Variants in RERE observed in about 807,000 individuals in gnomAD.
RERE encodes arginine-glutamic acid dipeptide repeats protein.
A neutral mutation model predicts 146.1 loss-of-function variants in RERE; 40 were observed. The ratio of observed to expected loss-of-function variants is 0.27; its 90% confidence interval spans 0.21 to 0.36. RERE has a LOEUF of 0.36. Among genes scored for constraint, RERE ranks in the 10% least tolerant of loss-of-function variants. RERE has a pLI of 1.00. For missense variants in RERE, 1,933 were observed against 2,138.7 expected (o/e 0.90, Z 1.90); for synonymous variants, 1,003 against 866.0 (o/e 1.16, Z -2.78).
intron 1 of RERE, among the ~76,000 whole-genome samples, chr1:8,757,287 C>T (rs1640662414): frequency 6.6e-6 from 1 of 152,100 alleles, no homozygotes; most frequent in African/African-American, 2.4e-5. Flanking sequence ...CCTGTATGAA[C>T]TTTCCCTAGC....
intron 1 of RERE, among the ~76,000 whole-genome samples, chr1:8,780,856 C>T (rs560134840): frequency 6.6e-6 from 1 of 152,328 alleles, no homozygotes; most frequent in Admixed American, 6.5e-5. Flanking sequence ...CCAAGCACCA[C>T]TTGCCCTTCA....
At chr1:8,636,507 G>A (rs893799812) in intron 2 of RERE, among the ~76,000 whole-genome samples, 2 of 151,652 alleles carry the variant, frequency 1.3e-5, no homozygotes, top group African/African-American at 4.8e-5. Context: ...ACTCCAGCCT[G>A]GGCAACAGTG....
chr1:8,495,306 G>A, intron 9 of RERE, 144 bp from the exon 10 acceptor site: 1 of 525,346 alleles, frequency 1.9e-6, no homozygotes, highest in Non-Finnish European at 3.4e-6. Context: ...CTCTGCCTCT[G>A]CTCCTATTTT....
chr1:8,731,142 G>A (rs756725131), intron 1 of RERE, among the ~76,000 whole-genome samples: 3 of 152,144 alleles, frequency 2.0e-5, no homozygotes, highest in Non-Finnish European at 4.4e-5. Flanking sequence ...ATACCTGAAC[G>A]GTAATTTTGA....
chr1:8,773,234 G>A (rs116548797), intron 1 of RERE, among the ~76,000 whole-genome samples: 87 of 152,232 alleles, frequency 5.7e-4, no homozygotes, highest in Non-Finnish European at 1.2e-3. Context: ...ACTATTATTT[G>A]TCATCTTAAC....
At chr1:8,646,260 G>A (rs1034188536) in intron 2 of RERE, among the ~76,000 whole-genome samples, 6 of 152,180 alleles carry the variant, frequency 3.9e-5, no homozygotes, top group African/African-American at 1.4e-4. Flanking sequence ...GCCAGGCACA[G>A]TGGCTCATGC....
intron 4 of RERE, among the ~76,000 whole-genome samples, chr1:8,608,765 A>G (rs1229102994): frequency 1.3e-5 from 2 of 152,248 alleles, no homozygotes; most frequent in African/African-American, 4.8e-5. Flanking sequence ...TGGAAAAAAG[A>G]TGATGAATAT....
At chr1:8,388,413 G>A (rs866044759) in intron 12 of RERE, among the ~76,000 whole-genome samples, 6 of 151,664 alleles carry the variant, frequency 4.0e-5, no homozygotes, top group Admixed American at 6.6e-5. Flanking sequence ...TCCGCTTCCC[G>A]GGTTCACGCC....
intron 2 of RERE, among the ~76,000 whole-genome samples, chr1:8,635,580 C>T (rs1647088186): frequency 1.3e-5 from 2 of 152,166 alleles, no homozygotes; most frequent in South Asian, 4.1e-4. Context: ...CTTTAGCATG[C>T]TCCTTTTGTA....
At chr1:8,461,267 C>T (rs1336186330) in intron 11 of RERE, among the ~76,000 whole-genome samples, 3 of 151,116 alleles carry the variant, frequency 2.0e-5, no homozygotes, top group Non-Finnish European at 2.9e-5. Flanking sequence ...TTCCTAAGTT[C>T]TACCAATCTG....
chr1:8,736,475 T>TACACCCACCTC (rs1317584776), intron 1 of RERE, among the ~76,000 whole-genome samples: 46 of 152,204 alleles, frequency 3.0e-4, no homozygotes, highest in African/African-American at 1.0e-3. Flanking sequence ...CCAAAGTGCT[T>TACACCCACCTC]GGATTACAGG....
chr1:8,589,079 G>T (rs1364282881), intron 4 of RERE, among the ~76,000 whole-genome samples: 1 of 151,398 alleles, frequency 6.6e-6, no homozygotes, highest in African/African-American at 2.4e-5. Context: ...AGCTGAGATG[G>T]TGCCACTACA....
chr1:8,466,191 C>T (rs572691687), intron 10 of RERE, among the ~76,000 whole-genome samples, 168 bp from the exon 11 acceptor site: 1 of 152,214 alleles, frequency 6.6e-6, no homozygotes, highest in South Asian at 2.1e-4. Context: ...CCAAGACCAC[C>T]CTATCCCAAC....
At chr1:8,673,781 T>C (rs1000160881) in intron 1 of RERE, among the ~76,000 whole-genome samples, 8 of 152,200 alleles carry the variant, frequency 5.3e-5, no homozygotes, top group African/African-American at 2.4e-5. Flanking sequence ...CAGTGGCTCA[T>C]GCCTGTAATC....
intron 9 of RERE, among the ~76,000 whole-genome samples, chr1:8,496,909 T>C (rs1481151613): frequency 6.6e-6 from 1 of 152,188 alleles, no homozygotes; most frequent in East Asian, 1.9e-4. Flanking sequence ...AGGTCCAGGA[T>C]ACAAGTGCAG....
At chr1:8,367,727 C>T (rs981151810) in intron 12 of RERE, among the ~76,000 whole-genome samples, 4 of 152,176 alleles carry the variant, frequency 2.6e-5, no homozygotes, top group Non-Finnish European at 4.4e-5. Flanking sequence ...TGGCTCCTCT[C>T]CCCCATGCTA....
At chr1:8,801,829 C>G (rs1172492840) in intron 1 of RERE, among the ~76,000 whole-genome samples, 2 of 152,190 alleles carry the variant, frequency 1.3e-5, no homozygotes, top group Non-Finnish European at 2.9e-5. Flanking sequence ...TACAACAGTA[C>G]AGATATGAGG....
chr1:8,594,408 C>T (rs1646531047), intron 4 of RERE, among the ~76,000 whole-genome samples: 2 of 152,102 alleles, frequency 1.3e-5, no homozygotes, highest in Non-Finnish European at 2.9e-5. Flanking sequence ...AAAGATACAA[C>T]AAAAATGTCA....
intron 1 of RERE, among the ~76,000 whole-genome samples, chr1:8,676,472 TAAA>T (rs368593389): frequency 6.9e-6 from 1 of 145,646 alleles, no homozygotes; most frequent in African/African-American, 2.5e-5. Context: ...TTTTTTACAC[TAAA>T]AAAAAAAGAA....
Sources: gnomAD v4.1 joint callset for allele counts (sites outside exome capture counted in the v4.1 genomes callset) on GRCh38, gnomAD v4.1.1 for gene constraint, MANE v1.5 for transcripts, NCBI Gene and HGNC (gene_info 2026-07-23, HGNC 2026-07-21) for gene names.